The following RBPJ variants were observed in gnomAD, a reference collection of about 807,000 sequenced individuals.
RBPJ encodes the protein recombining binding protein suppressor of hairless.
Under a neutral mutation model 67.8 loss-of-function variants are expected in RBPJ, and 9 were observed. The ratio of observed to expected loss-of-function variants is 0.13; its 90% CI spans 0.08 to 0.23. RBPJ has a LOEUF of 0.23. Ranked by LOEUF, RBPJ falls within the 10% of genes least tolerant of loss-of-function variation. The probability of loss-of-function intolerance (pLI) is 1.00; values close to 1 mark genes in which losing one functional copy is unlikely to be tolerated. For synonymous variants in RBPJ, 198 were observed against 203.3 expected (o/e 0.97, Z 0.22); for missense variants, 305 against 595.6 (o/e 0.51, Z 5.08).
chr4:26,195,090 G>A (rs978201067), intron 1 of RBPJ, among the ~76,000 whole-genome samples: 1 of 152,298 alleles, frequency 6.6e-6, no homozygotes, highest in South Asian at 2.1e-4. Context: ...AAAAACTAGA[G>A]CCAGGCATGG....
chr4:26,324,138 G>A (rs1560266049), intron 1 of RBPJ, among the ~76,000 whole-genome samples: 1 of 152,136 alleles, frequency 6.6e-6, no homozygotes, highest in Non-Finnish European at 1.5e-5. Flanking sequence ...GATTCGCAGA[G>A]AGCATCCTTG....
intron 1 of RBPJ, among the ~76,000 whole-genome samples, chr4:26,226,151 A>G (rs1023661934): frequency 6.6e-6 from 1 of 151,340 alleles, no homozygotes; most frequent in African/African-American, 2.4e-5. Flanking sequence ...TCTGTCAAAA[A>G]AAAAAAAAAA....
At chr4:26,106,070 G>C in the RBPJ span, among the ~76,000 whole-genome samples, 1 of 152,220 alleles carries the variant, frequency 6.6e-6, no homozygotes, top group Non-Finnish European at 1.5e-5. Flanking sequence ...ACTATCCTCT[G>C]TCATTCCAAA....
At chr4:26,249,502 A>C (rs1720028103) in intron 1 of RBPJ, among the ~76,000 whole-genome samples, 1 of 152,058 alleles carries the variant, frequency 6.6e-6, no homozygotes, top group South Asian at 2.1e-4. Flanking sequence ...TCTACTAAAA[A>C]TGCAAAAAAT....
At chr4:26,310,665 C>CTTTTTT (rs11289709) in intron 1 of RBPJ, among the ~76,000 whole-genome samples, 1 of 107,456 alleles carries the variant, frequency 9.3e-6, no homozygotes, top group African/African-American at 3.7e-5. Flanking sequence ...CCTGTTTTAA[C>CTTTTTT]TTTTTTTTTT....
At chr4:26,184,744 T>C (rs1028306444) in intron 1 of RBPJ, among the ~76,000 whole-genome samples, 2 of 152,154 alleles carry the variant, frequency 1.3e-5, no homozygotes, top group Admixed American at 1.3e-4. Flanking sequence ...TCCTACGTAA[T>C]ATTAAGGGCA....
chr4:26,365,955 A>G (rs1384164907), intron 1 of RBPJ, among the ~76,000 whole-genome samples: 1 of 152,262 alleles, frequency 6.6e-6, no homozygotes, highest in Non-Finnish European at 1.5e-5. Flanking sequence ...TTATCAACTC[A>G]TAGATCAGTG....
intron 1 of RBPJ, among the ~76,000 whole-genome samples, chr4:26,188,056 A>C (rs2109137262): frequency 6.6e-6 from 1 of 152,182 alleles, no homozygotes; most frequent in East Asian, 1.9e-4. Flanking sequence ...AAAATACAAA[A>C]AAATTAGCTG....
intron 1 of RBPJ, among the ~76,000 whole-genome samples, chr4:26,253,904 G>T (rs1327833225): frequency 1.3e-5 from 2 of 149,006 alleles, no homozygotes; most frequent in Non-Finnish European, 2.9e-5. Context: ...TTTACAAATA[G>T]CCTGTGTCAA....
chr4:26,164,147 A>C (rs906906233), intron 1 of RBPJ, among the ~76,000 whole-genome samples: 1 of 152,240 alleles, frequency 6.6e-6, no homozygotes, highest in African/African-American at 2.4e-5. Flanking sequence ...TGTTGTCTCG[A>C]AACTCACCGC....
intron 1 of RBPJ, among the ~76,000 whole-genome samples, chr4:26,349,459 C>T (rs1726574041): frequency 6.6e-6 from 1 of 152,238 alleles, no homozygotes; most frequent in East Asian, 1.9e-4. Flanking sequence ...TTCTTTAATA[C>T]TTTGCGATAG....
At chr4:26,105,618 C>A in the RBPJ span, among the ~76,000 whole-genome samples, 1 of 152,136 alleles carries the variant, frequency 6.6e-6, no homozygotes, top group Admixed American at 6.5e-5. Context: ...TGGAACTGGA[C>A]TAGCTCAGGA....
intron 1 of RBPJ, among the ~76,000 whole-genome samples, chr4:26,361,742 C>T (rs1728083687): frequency 2.0e-5 from 3 of 152,100 alleles, no homozygotes; most frequent in Admixed American, 6.5e-5. Context: ...GTGGTAAAAG[C>T]AGTGTGAATT....
chr4:26,223,894 C>G (rs1159433438), intron 1 of RBPJ, among the ~76,000 whole-genome samples: 1 of 152,172 alleles, frequency 6.6e-6, no homozygotes, highest in Non-Finnish European at 1.5e-5. Flanking sequence ...AAGTTGGAAT[C>G]CATGCTCTAT....
the RBPJ span, among the ~76,000 whole-genome samples, chr4:26,140,371 T>A: frequency 1.3e-5 from 2 of 152,098 alleles, no homozygotes; most frequent in African/African-American, 4.8e-5. Flanking sequence ...TCAGCAAAAA[T>A]AACATTTTAT....
chr4:26,428,557 C>T, intron 7 of RBPJ, 163 bp from the exon 8 acceptor site: 10 of 540,572 alleles, frequency 1.8e-5, no homozygotes, highest in South Asian at 9.0e-5. Context: ...TTTTTTATTC[C>T]TAGTCTTTTT....
chr4:26,221,202 T>C (rs952044132), intron 1 of RBPJ, among the ~76,000 whole-genome samples: 5 of 152,204 alleles, frequency 3.3e-5, no homozygotes, highest in Non-Finnish European at 5.9e-5. Context: ...GCCATTCTCC[T>C]GCCTCAGCCT....
At chr4:26,289,969 CA>C (rs1721612020) in intron 1 of RBPJ, among the ~76,000 whole-genome samples, 1 of 150,166 alleles carries the variant, frequency 6.7e-6, no homozygotes, top group Non-Finnish European at 1.5e-5. Context: ...TCTATATTGT[CA>C]ATTAATTAAG....
upstream of RBPJ, among the ~76,000 whole-genome samples, chr4:26,318,631 G>A (rs534848584): frequency 2.0e-5 from 3 of 152,124 alleles, no homozygotes; most frequent in East Asian, 1.9e-4. Flanking sequence ...AGGCGAGAGC[G>A]CAGAGCTGTT....
Sources: allele counts gnomAD v4.1 joint callset (sites outside exome capture counted in the v4.1 genomes callset), GRCh38; gene constraint gnomAD v4.1.1; transcripts MANE v1.5; gene names NCBI Gene and HGNC (gene_info 2026-07-23, HGNC 2026-07-21).